The following PLD5 variants were observed in gnomAD, a reference collection of about 807,000 sequenced individuals.
PLD5 encodes phospholipase D family member 5.
Under a neutral mutation model 61.1 loss-of-function variants are expected in PLD5, and 36 were observed. That is an observed-to-expected ratio of 0.59 (90% confidence interval 0.45 to 0.78). The LOEUF is 0.78. Ranked by LOEUF, PLD5 falls within the 30% of genes least tolerant of loss-of-function variation. The pLI is 0.00. For synonymous variants in PLD5, 243 were observed against 242.8 expected, an observed-to-expected ratio of 1.00 and a Z score of -0.01; for missense variants, 515 against 644.4, an observed-to-expected ratio of 0.80 and a Z score of 2.17.
intron 5 of PLD5, among the ~76,000 whole-genome samples, chr1:242,138,535 C>T (rs928011665): frequency 2.0e-5 from 3 of 152,034 alleles, no homozygotes; most frequent in South Asian, 2.1e-4. Flanking sequence ...AGGTAGAATA[C>T]TATCCATCAC....
intron 2 of PLD5, among the ~76,000 whole-genome samples, chr1:242,291,208 C>T (rs1259462469): frequency 6.6e-6 from 1 of 152,026 alleles, no homozygotes; most frequent in African/African-American, 2.4e-5. Flanking sequence ...CCAATCAAAA[C>T]TTCACTTCTC....
intron 5 of PLD5, among the ~76,000 whole-genome samples, chr1:242,217,293 T>A (rs963717804): frequency 6.6e-6 from 1 of 152,116 alleles, no homozygotes; most frequent in South Asian, 2.1e-4. Context: ...AAATTGAAAA[T>A]CTTCTGGGAA....
chr1:242,450,935 G>T (rs1267922800), intron 1 of PLD5, among the ~76,000 whole-genome samples: 1 of 152,124 alleles, frequency 6.6e-6, no homozygotes, highest in African/African-American at 2.4e-5. Context: ...TGAAACTCTG[G>T]AGTGTTTAAC....
intron 1 of PLD5, among the ~76,000 whole-genome samples, chr1:242,446,245 T>C (rs1666532632): frequency 1.3e-5 from 2 of 150,692 alleles, no homozygotes; most frequent in South Asian, 4.2e-4. Context: ...AATAAAATAA[T>C]AAAAATAAAA....
chr1:242,125,382 G>A (rs970831773), intron 5 of PLD5, among the ~76,000 whole-genome samples: 5 of 152,006 alleles, frequency 3.3e-5, no homozygotes, highest in African/African-American at 1.2e-4. Context: ...AGGCATGGAT[G>A]AGGAAAGTAA....
chr1:242,185,120 C>A (rs953516021), intron 5 of PLD5, among the ~76,000 whole-genome samples: 1 of 152,158 alleles, frequency 6.6e-6, no homozygotes, highest in African/African-American at 2.4e-5. Flanking sequence ...CATTTGGAAT[C>A]CACCGGGAAC....
intron 4 of PLD5, among the ~76,000 whole-genome samples, chr1:242,241,724 C>T (rs1672019199): frequency 6.6e-6 from 1 of 151,546 alleles, no homozygotes. Context: ...TCCATCTGCA[C>T]TGTGGAGAAG....
chr1:242,429,785 A>G (rs1047261620), intron 1 of PLD5, among the ~76,000 whole-genome samples: 4 of 152,236 alleles, frequency 2.6e-5, no homozygotes, highest in Non-Finnish European at 5.9e-5. Context: ...AGAAACCTGA[A>G]TTTATGGATT....
At chr1:242,480,546 C>A (rs1161157427) in intron 1 of PLD5, among the ~76,000 whole-genome samples, 1 of 151,764 alleles carries the variant, frequency 6.6e-6, no homozygotes, top group Non-Finnish European at 1.5e-5. Context: ...CAAAAGACAC[C>A]ATTAAAAATA....
chr1:242,449,383 C>T (rs889793541), intron 1 of PLD5: 40 of 1,535,968 alleles, frequency 2.6e-5, no homozygotes, highest in Non-Finnish European at 3.1e-5. Flanking sequence ...TCCCTCCCTG[C>T]GGAGTCCAGC....
At chr1:242,358,916 A>G (rs3844615) in intron 1 of PLD5, among the ~76,000 whole-genome samples, 143,746 of 152,092 alleles carry the variant, frequency 0.95, 68,443 homozygotes, top group Non-Finnish European at 1. Context: ...GAAATTCACC[A>G]CCAGTGGGTA....
chr1:242,493,243 A>G (rs1322211829), intron 1 of PLD5, among the ~76,000 whole-genome samples: 1 of 152,204 alleles, frequency 6.6e-6, no homozygotes, highest in African/African-American at 2.4e-5. Context: ...AGTATTCCCA[A>G]AATGAGAGGA....
chr1:242,297,882 A>G (rs944026816), intron 2 of PLD5, among the ~76,000 whole-genome samples: 2 of 146,052 alleles, frequency 1.4e-5, no homozygotes, highest in African/African-American at 2.6e-5. Flanking sequence ...CTCATGATCC[A>G]CCCGCCTCGG....
intron 1 of PLD5, among the ~76,000 whole-genome samples, chr1:242,350,854 C>A (rs1167433347): frequency 1.3e-5 from 2 of 152,018 alleles, no homozygotes; most frequent in African/African-American, 4.8e-5. Context: ...TATTCTTTTA[C>A]CCTAGACCCT....
intron 1 of PLD5, among the ~76,000 whole-genome samples, chr1:242,441,295 T>C (rs941305287): frequency 6.6e-6 from 1 of 152,150 alleles, no homozygotes; most frequent in Non-Finnish European, 1.5e-5. Flanking sequence ...CTGCCATTAG[T>C]AAAAATGCTG....
intron 9 of PLD5, among the ~76,000 whole-genome samples, chr1:242,091,584 A>G (rs1479857701): frequency 1.3e-5 from 2 of 152,208 alleles, no homozygotes; most frequent in Non-Finnish European, 2.9e-5. Context: ...GGATAGCTAT[A>G]GTTATGCTTC....
intron 6 of PLD5, among the ~76,000 whole-genome samples, chr1:242,122,128 A>C (rs1395707775): frequency 6.6e-6 from 1 of 152,226 alleles, no homozygotes; most frequent in Non-Finnish European, 1.5e-5. Context: ...TTAAAAAACT[A>C]CCCAAAGAAA....
chr1:242,513,634 G>A (rs1669007174), intron 1 of PLD5, among the ~76,000 whole-genome samples: 1 of 152,204 alleles, frequency 6.6e-6, no homozygotes, highest in South Asian at 2.1e-4. Flanking sequence ...GAAGTCTGAA[G>A]CTCAACTCCC....
At chr1:242,381,445 G>A (rs1662273858) in intron 1 of PLD5, among the ~76,000 whole-genome samples, 1 of 152,116 alleles carries the variant, frequency 6.6e-6, no homozygotes, top group Non-Finnish European at 1.5e-5. Flanking sequence ...AGAATGCTGA[G>A]CTTAATACCT....
Sources: gnomAD v4.1 joint callset for allele counts (sites outside exome capture counted in the v4.1 genomes callset) on GRCh38, gnomAD v4.1.1 for gene constraint, MANE v1.5 for transcripts, NCBI Gene and HGNC (gene_info 2026-07-23, HGNC 2026-07-21) for gene names.